C8orf89: variants seen among roughly 807,000 people sequenced by gnomAD.
C8orf89 encodes the protein putative uncharacterized protein C8orf89.
Under a neutral mutation model 15.8 loss-of-function variants are expected in C8orf89, and 14 were observed. The observed-to-expected ratio is 0.89, with a 90% CI of 0.59 to 1.39. The LOEUF (loss-of-function observed/expected upper bound fraction) is 1.39, where lower values mean the gene tolerates loss of function less well. Ranked by LOEUF, C8orf89 falls within the 40% of genes most tolerant of loss-of-function variation. The probability of loss-of-function intolerance (pLI) is 0.00; values close to 1 mark genes in which losing one functional copy is unlikely to be tolerated. For missense variants in C8orf89, 181 were observed against 184.5 expected (o/e 0.98, Z 0.11); for synonymous variants, 55 against 62.2 (o/e 0.88, Z 0.54).
chr8:73,257,578 T>C (rs1173215873), intron 1 of C8orf89, among the ~76,000 whole-genome samples: 4 of 152,200 alleles, frequency 2.6e-5, no homozygotes, highest in Non-Finnish European at 5.9e-5. Context: ...AGAATTATAC[T>C]TGAGGCACTG....
In C8orf89 at chr8:73,257,035, A is replaced by T. The variant is rs1032452435; in HGVS notation, c.219T>A (p.Ser73Arg). Residue 73 changes from serine (S) to arginine (R), a missense_variant, in exon 2 of 4, where the codon AGT becomes AGA. By Grantham distance (110) the Ser-to-Arg change is moderately radical. Coordinates refer to ENST00000624510, the MANE Select transcript of C8orf89 (RefSeq NM_001243237.3). Reference sequence around the variant, plus strand: ...TTTTAGGAACCTCTAGTGGAGTTGAACTTACACTTTTTTGGCAACTTTGCA... The same window carrying T: ...TTTTAGGAACCTCTAGTGGAGTTGATCTTACACTTTTTTGGCAACTTTGCA... ...PGLQSCQKSV[S>R]STPLEVPKRL... is the part of the protein sequence containing the mutation. 3 of 1,535,812 alleles carry T rather than the reference A, an allele frequency of 2.0e-6. No homozygotes were observed. The highest frequency in any genetic ancestry group is 2.0e-5 in the Admixed American group (1 of 50,966).
At chr8:73,252,044 G>A (rs141828816) in intron 2 of C8orf89, among the ~76,000 whole-genome samples, 24 of 152,238 alleles carry the variant, frequency 1.6e-4, no homozygotes, top group Middle Eastern at 6.8e-3. Context: ...TTTGACTTAA[G>A]TTACCATCTG....
intron 3 of C8orf89, among the ~76,000 whole-genome samples, chr8:73,248,073 G>A (rs1356502337): frequency 6.6e-6 from 1 of 152,116 alleles, no homozygotes; most frequent in African/African-American, 2.4e-5. Flanking sequence ...ATAGTTTTGG[G>A]TTTTACATTT....
At position 73,256,890 on chromosome 8, in the gene C8orf89, C is replaced by A; in HGVS notation, c.281+83G>T. 8 of 861,016 alleles carry A rather than the reference C, an allele frequency of 9.3e-6. No homozygotes were observed. The South Asian group carries it at 1.1e-4, about 12-fold the overall frequency. 53.3% of individuals were successfully genotyped at this position (861,016 alleles called of 1,614,324 possible). On this transcript the variant is annotated intron_variant, in intron 2 of 3. Coordinates refer to ENST00000624510, the MANE Select transcript of C8orf89 (RefSeq NM_001243237.3). ...AAAACAGGCAAAAATGAATGCAATTCACTGACCAGAAAAACCTCTACATTC... is the reference window on the plus strand; with the variant it reads ...AAAACAGGCAAAAATGAATGCAATTAACTGACCAGAAAAACCTCTACATTC...
At chr8:73,277,451 T>C in the C8orf89 span, 1 of 1,099,810 alleles carries the variant, frequency 9.1e-7, no homozygotes, top group Non-Finnish European at 1.3e-6. Flanking sequence ...CCAAATTCTT[T>C]TTCTCGGTGC....
chr8:73,266,123 A>G, the C8orf89 span, among the ~76,000 whole-genome samples: 40 of 152,356 alleles, frequency 2.6e-4, no homozygotes, highest in South Asian at 7.2e-3. Context: ...AACTTTTAAA[A>G]AATGATTCTT....
chr8:73,280,789 A>G, the C8orf89 span, among the ~76,000 whole-genome samples: 46 of 151,526 alleles, frequency 3.0e-4, no homozygotes, highest in South Asian at 4.2e-4. Flanking sequence ...ACATATATGT[A>G]TATATTAAAA....
the C8orf89 span, among the ~76,000 whole-genome samples, chr8:73,273,964 T>C: frequency 6.6e-6 from 1 of 152,182 alleles, no homozygotes; most frequent in Admixed American, 6.5e-5. Flanking sequence ...GGTCAAAATG[T>C]TATATTTTGT....
Position 73,252,714 on chromosome 8 carries a change from A to G in C8orf89, c.282-2391T>C, listed in dbSNP as rs577579979. ...TTTTGAAACGTCAACCTTGTGTGCT[A>G]GGCATAACTGGATGACTTTAAAGTT... is the stretch of plus-strand genomic sequence containing the variant. On this transcript the variant is annotated intron_variant, in intron 2 of 3. Transcript: ENST00000624510. Among the ~76,000 whole-genome samples the G allele has an allele frequency of 2.7e-3, 417 of 152,332 alleles. 5 individuals carry two copies. Among genetic ancestry groups the G allele is most frequent in the African/African-American group, 9.8e-3 (406 of 41,578 alleles).
chr8:73,263,536 C>A (rs1813566417), upstream of C8orf89, among the ~76,000 whole-genome samples: 1 of 152,056 alleles, frequency 6.6e-6, no homozygotes. Flanking sequence ...TAAAATATTT[C>A]AAATATTTTT....
rs535119121 is a variant in C8orf89, at chr8:73,257,712, A to T, written c.128-586T>A. ...ACAGAGAGACGGTCAAATTATTTTT[A>T]AAAATTTTCAAGGCATTAAATGAAA... On this transcript the variant is annotated intron_variant, in intron 1 of 3. Transcript: ENST00000624510. 1.1e-3 allele frequency among the ~76,000 whole-genome samples: 164 copies of T among 152,328 alleles called. 1 individual carries two copies. The highest frequency in any genetic ancestry group is 5.3e-4 in the Non-Finnish European group (36 of 68,026).
Position 73,250,300 on chromosome 8 carries a change from C to T in C8orf89, c.305G>A (p.Cys102Tyr). The T allele has an allele frequency of 6.5e-7, 1 of 1,532,844 alleles. No homozygotes were observed. Among genetic ancestry groups the T allele is most frequent in the African/African-American group, 1.4e-5 (1 of 73,088 alleles). The allele number at this position is 1,532,844 out of a possible 1,614,324, so 95.0% of individuals were successfully genotyped here. A position where few individuals can be genotyped will look rare whatever the true frequency, so the allele number is the denominator to read the frequency against. ...TTTCTCCCAAAGTGGTGCCACACTG[C>T]ATGTCTCCTTAGTCTTCTTTAGCCT... Reference protein sequence around the residue: ...AVRLKKTKETCSVAPLWEKSK... With the variant: ...AVRLKKTKETYSVAPLWEKSK... The change falls in exon 3 of 4, where the codon TGC becomes TAC. Residue 102 changes from cysteine to tyrosine, a missense_variant. By Grantham distance (194) the Cys-to-Tyr change is radical (BLOSUM62 -2). Transcript: ENST00000624510.
intron 3 of C8orf89, among the ~76,000 whole-genome samples, chr8:73,246,887 A>G (rs1261515827): frequency 2.6e-5 from 4 of 152,218 alleles, no homozygotes; most frequent in Non-Finnish European, 5.9e-5. Flanking sequence ...TAGAAGCATT[A>G]CTTAGTAATT....
At chr8:73,277,087 A>G in the C8orf89 span, among the ~76,000 whole-genome samples, 82 of 152,218 alleles carry the variant, frequency 5.4e-4, no homozygotes, top group Non-Finnish European at 1.0e-3. Flanking sequence ...GATTACAAGC[A>G]TGAGCCACTG....
Position 73,250,267 on chromosome 8 carries a change from C to G in C8orf89, c.337+1G>C, listed in dbSNP as rs1482663443. On this transcript the variant is annotated splice_donor_variant, in intron 3 of 3. Coordinates refer to ENST00000624510, the MANE Select transcript of C8orf89 (RefSeq NM_001243237.3). LOFTEE classifies it high-confidence loss of function. ...GTAGAAAAAAGGACGAGTCAGCTTA[C>G]CTTTTGATTTCTCCCAAAGTGGTGC... The G allele has an allele frequency of 6.5e-7, 1 of 1,531,520 alleles. No homozygotes were observed. Among genetic ancestry groups the G allele is most frequent in the Admixed American group, 2.0e-5 (1 of 50,888 alleles). The allele number at this position is 1,531,520 out of a possible 1,614,324, so 94.9% of individuals were successfully genotyped here. A position where few individuals can be genotyped will look rare whatever the true frequency, so the allele number is the denominator to read the frequency against.
intron 2 of C8orf89, among the ~76,000 whole-genome samples, chr8:73,251,890 G>T (rs1028745071): frequency 6.6e-6 from 1 of 152,154 alleles, no homozygotes; most frequent in Non-Finnish European, 1.5e-5. Flanking sequence ...TCCCCAAAGG[G>T]CACTGTGACC....
At chr8:73,267,556 G>A in the C8orf89 span, among the ~76,000 whole-genome samples, 1 of 152,188 alleles carries the variant, frequency 6.6e-6, no homozygotes, top group East Asian at 1.9e-4. Context: ...TGATAGGAAA[G>A]TTTCTCACAG....
At chr8:73,252,698 G>A (rs1354028141) in intron 2 of C8orf89, among the ~76,000 whole-genome samples, 1 of 152,038 alleles carries the variant, frequency 6.6e-6, no homozygotes, top group Non-Finnish European at 1.5e-5. Flanking sequence ...ATTTTGAAAC[G>A]TCAACCTTGT....
the C8orf89 span, among the ~76,000 whole-genome samples, chr8:73,266,642 T>C: frequency 1.3e-5 from 2 of 152,100 alleles, no homozygotes; most frequent in African/African-American, 4.8e-5. Flanking sequence ...ACATAAAGAT[T>C]TAAGATCAAT....
Sources: gnomAD v4.1 joint callset for allele counts (sites outside exome capture counted in the v4.1 genomes callset) on GRCh38, gnomAD v4.1.1 for gene constraint, MANE v1.5 for transcripts, NCBI Gene and HGNC (gene_info 2026-07-23, HGNC 2026-07-21) for gene names.